TBC1D19: variants seen among roughly 807,000 people sequenced by gnomAD.
The protein encoded by TBC1D19 is TBC1 domain family member 19.
TBC1D19 carries 60 observed loss-of-function variants against 89.0 expected under a neutral mutation model. The ratio of observed to expected loss-of-function variants is 0.67; its 90% CI spans 0.55 to 0.84. The LOEUF is 0.84. Among genes scored for constraint, TBC1D19 ranks in the 40% least tolerant of loss-of-function variants. TBC1D19 has a pLI of 0.00. For synonymous variants in TBC1D19, 189 were observed against 199.7 expected (o/e 0.95, Z 0.45); for missense variants, 500 against 610.8 (o/e 0.82, Z 1.91).
At chr4:26,683,886 T>C (rs1298696988) in intron 12 of TBC1D19, 137 bp downstream of exon 12, 4 of 648,666 alleles carry the variant, frequency 6.2e-6, no homozygotes, top group Non-Finnish European at 7.0e-6. Context: ...TTTATACATA[T>C]AAAGTTAAAG....
At chr4:26,787,052 G>A in the TBC1D19 span, among the ~76,000 whole-genome samples, 9 of 151,924 alleles carry the variant, frequency 5.9e-5, no homozygotes, top group African/African-American at 1.9e-4. Context: ...AATGTGACAA[G>A]GCTTGTGAAG....
chr4:26,697,766 G>T (rs1032704364), intron 13 of TBC1D19, among the ~76,000 whole-genome samples: 11 of 152,112 alleles, frequency 7.2e-5, no homozygotes, highest in Non-Finnish European at 1.5e-4. Flanking sequence ...AAAACCACAT[G>T]ATTATCTCAA....
chr4:26,737,861 G>A (rs1360486079), intron 16 of TBC1D19, among the ~76,000 whole-genome samples: 1 of 151,808 alleles, frequency 6.6e-6, no homozygotes, highest in Non-Finnish European at 1.5e-5. Flanking sequence ...CATTAAAAAG[G>A]AAACCAAAAG....
At chr4:26,655,738 G>A (rs1296435195) in intron 7 of TBC1D19, among the ~76,000 whole-genome samples, 1 of 152,202 alleles carries the variant, frequency 6.6e-6, no homozygotes, top group Admixed American at 6.5e-5. Context: ...GTATTAGGGT[G>A]GGAGTGACCT....
the TBC1D19 span, chr4:26,858,725 T>C: frequency 1.3e-5 from 2 of 152,374 alleles, no homozygotes; most frequent in South Asian, 4.1e-4. Flanking sequence ...TGATCTGCGG[T>C]GGAGGGTTTA....
At chr4:26,827,356 T>A in the TBC1D19 span, among the ~76,000 whole-genome samples, 1 of 152,208 alleles carries the variant, frequency 6.6e-6, no homozygotes, top group African/African-American at 2.4e-5. Flanking sequence ...TGCAATCCAA[T>A]CATTTTGGGA....
chr4:26,667,305 A>T (rs550249530), intron 9 of TBC1D19, among the ~76,000 whole-genome samples: 41 of 152,124 alleles, frequency 2.7e-4, no homozygotes, highest in African/African-American at 9.9e-4. Flanking sequence ...AATTGAATAC[A>T]CCTATTAAAA....
intron 15 of TBC1D19, among the ~76,000 whole-genome samples, chr4:26,733,235 A>C (rs1717772610): frequency 6.6e-6 from 1 of 152,228 alleles, no homozygotes; most frequent in Admixed American, 6.5e-5. Context: ...AGAAACAACA[A>C]AGAAGTATGA....
Position 26,646,051 on chromosome 4 carries a change from A to G in TBC1D19, c.480+5864A>G, listed in dbSNP as rs1743914655. ...GGCAGGAGAATGGCGTGACCCCGGGAGGCGGAGCTTGCAGTGAGCCGAGAT... is the reference window on the plus strand; with the variant it reads ...GGCAGGAGAATGGCGTGACCCCGGGGGGCGGAGCTTGCAGTGAGCCGAGAT... On this transcript the variant is annotated intron_variant, in intron 7 of 20. Transcript: ENST00000264866. 3.5e-5 allele frequency among the ~76,000 whole-genome samples: 5 copies of G among 141,454 alleles called. No homozygotes were observed. In the South Asian group the frequency reaches 1.2e-3, roughly 34 times the overall value. The allele number at this position is 141,454 out of a possible 152,430, so 92.8% of individuals were successfully genotyped here. A position where few individuals can be genotyped will look rare whatever the true frequency, so the allele number is the denominator to read the frequency against.
intron 2 of TBC1D19, 56 bp downstream of exon 2, chr4:26,613,297 C>T: frequency 3.4e-6 from 4 of 1,163,334 alleles, no homozygotes; most frequent in Non-Finnish European, 4.9e-6. Context: ...TTTATTTATT[C>T]CTAATTCTTT....
the TBC1D19 span, among the ~76,000 whole-genome samples, chr4:26,794,861 A>T: frequency 6.6e-6 from 1 of 152,182 alleles, no homozygotes; most frequent in African/African-American, 2.4e-5. Flanking sequence ...TTGGCTTTGC[A>T]TTCCAAATAT....
At chr4:26,664,525 C>G (rs1711607737) in intron 8 of TBC1D19, among the ~76,000 whole-genome samples, 1 of 151,284 alleles carries the variant, frequency 6.6e-6, no homozygotes, top group African/African-American at 2.4e-5. Flanking sequence ...ATTTCAATTA[C>G]AGAAGAGTGC....
chr4:26,663,135 A>G (rs1386285694), intron 8 of TBC1D19: 1 of 152,212 alleles, frequency 6.6e-6, no homozygotes, highest in African/African-American at 2.4e-5. Context: ...TATATTAAGG[A>G]GGGTCTTTTC....
intron 4 of TBC1D19, among the ~76,000 whole-genome samples, chr4:26,632,754 G>A (rs1742879495): frequency 6.6e-6 from 1 of 152,100 alleles, no homozygotes; most frequent in African/African-American, 2.4e-5. Context: ...AAGGGTCCAT[G>A]TTGCAAAATG....
chr4:26,638,297 A>G (rs1310189465), intron 5 of TBC1D19, among the ~76,000 whole-genome samples: 1 of 151,688 alleles, frequency 6.6e-6, no homozygotes, highest in Non-Finnish European at 1.5e-5. Context: ...TGAAGGCACC[A>G]GAAGGATGGT....
At chr4:26,677,545 TCTC>T (rs1239519014) in intron 11 of TBC1D19, among the ~76,000 whole-genome samples, 2 of 151,992 alleles carry the variant, frequency 1.3e-5, no homozygotes, top group East Asian at 3.9e-4. Flanking sequence ...ATGGTCTTGA[TCTC>T]CTGACCTCAT....
chr4:26,792,590 C>T, the TBC1D19 span, among the ~76,000 whole-genome samples: 25 of 152,212 alleles, frequency 1.6e-4, no homozygotes, highest in Non-Finnish European at 3.4e-4. Flanking sequence ...ATCTGGGATG[C>T]ATTGGCTGAA....
the TBC1D19 span, among the ~76,000 whole-genome samples, chr4:26,768,642 A>T: frequency 1.3e-5 from 2 of 152,160 alleles, no homozygotes; most frequent in Non-Finnish European, 2.9e-5. Flanking sequence ...GGAAGATATT[A>T]AAAAGCTTCT....
chr4:26,703,445 A>C (rs1287279220), intron 13 of TBC1D19, among the ~76,000 whole-genome samples: 2 of 152,156 alleles, frequency 1.3e-5, no homozygotes, highest in Non-Finnish European at 2.9e-5. Context: ...TGTTCTTGTC[A>C]TTAATTACAG....
Sources: allele counts gnomAD v4.1 joint callset (sites outside exome capture counted in the v4.1 genomes callset), GRCh38; gene constraint gnomAD v4.1.1; transcripts MANE v1.5; gene names NCBI Gene and HGNC (gene_info 2026-07-23, HGNC 2026-07-21).